TJP1: variants seen among roughly 807,000 people sequenced by gnomAD.
The protein encoded by TJP1 is tight junction protein 1, also known as tight junction protein ZO-1.
A neutral mutation model predicts 194.2 loss-of-function variants in TJP1; 43 were observed. The observed-to-expected ratio is 0.22, with a 90% CI of 0.17 to 0.29. The LOEUF (loss-of-function observed/expected upper bound fraction) is 0.29, where lower values mean the gene tolerates loss of function less well. Among genes scored for constraint, TJP1 ranks in the 10% least tolerant of loss-of-function variants. TJP1 has a pLI of 1.00. For missense variants in TJP1, 1,971 were observed against 2,185.7 expected, an observed-to-expected ratio of 0.90 and a Z score of 1.96; for synonymous variants, 801 against 779.0, an observed-to-expected ratio of 1.03 and a Z score of -0.47.
chr15:29,726,996 A>C lies in TJP1; in HGVS notation c.2101-5T>G, dbSNP rs2043281647. The C allele has an allele frequency of 1.2e-6, 2 of 1,611,132 alleles. No individual in the cohort carries two copies. The highest frequency in any genetic ancestry group is 1.3e-5 in the African/African-American group (1 of 74,788). ...ATCTAATAAAGCATGTTTGTCCTAG[A>C]AACAGAAAGAAAAATATATACAAAG... On this transcript the variant is annotated splice_region_variant and splice_polypyrimidine_tract_variant and intron_variant, in intron 16 of 27. Coordinates refer to ENST00000614355, the MANE Select transcript of TJP1 (RefSeq NM_001330239.4).
At chr15:29,770,176 G>A (rs1331679636) in intron 4 of TJP1, among the ~76,000 whole-genome samples, 1 of 152,188 alleles carries the variant, frequency 6.6e-6, no homozygotes, top group African/African-American at 2.4e-5. Context: ...GCTAGGTGCA[G>A]TGCCTCCTAC....
intron 2 of TJP1, among the ~76,000 whole-genome samples, chr15:29,835,889 AAGAG>A (rs143484883): frequency 5.4e-5 from 8 of 149,492 alleles, no homozygotes; most frequent in South Asian, 2.1e-4. Flanking sequence ...TGGACGGGGA[AAGAG>A]AGAGAGAGAG....
At chr15:29,924,349 G>A (rs180834797) in intron 2 of TJP1, among the ~76,000 whole-genome samples, 6 of 152,216 alleles carry the variant, frequency 3.9e-5, no homozygotes, top group East Asian at 1.9e-4. Context: ...GGGATTACAC[G>A]GATGAGCCAC....
intron 2 of TJP1, among the ~76,000 whole-genome samples, chr15:29,918,865 G>T (rs1334403127): frequency 6.6e-6 from 1 of 152,144 alleles, no homozygotes; most frequent in South Asian, 2.1e-4. Context: ...AATGAAGATG[G>T]TCCAACAGCA....
chr15:29,887,585 G>C (rs1213282299), intron 2 of TJP1, among the ~76,000 whole-genome samples: 1 of 151,946 alleles, frequency 6.6e-6, no homozygotes, highest in East Asian at 1.9e-4. Context: ...ACAGGCATGA[G>C]CCACCGCACC....
intron 2 of TJP1, among the ~76,000 whole-genome samples, chr15:29,787,721 A>C (rs1459444596): frequency 6.6e-6 from 1 of 152,178 alleles, no homozygotes; most frequent in Non-Finnish European, 1.5e-5. Flanking sequence ...TTCTATGTAT[A>C]TATCATGTTT....
Position 29,950,129 on chromosome 15 carries a change from TCCA to T in TJP1, c.306+6100_306+6102del, listed in dbSNP as rs1389948941. ...CACCACCACCTCCACAACCACCACC[TCCA>T]CCACCACCACAACCACCACCTCCAC... On this transcript the variant is annotated intron_variant, in intron 2 of 28. Coordinates refer to the TJP1 transcript ENST00000356107. Among the ~76,000 whole-genome samples, 5 of 20,108 alleles carry T rather than the reference TCCA, an allele frequency of 2.5e-4. 1 individual carries two copies. Among genetic ancestry groups the T allele is most frequent in the African/African-American group, 2.7e-4 (1 of 3,718 alleles). 13.2% of individuals were successfully genotyped at this position (20,108 alleles called of 152,430 possible). A position where few individuals can be genotyped will look rare whatever the true frequency, so the allele number is the denominator to read the frequency against.
intron 1 of TJP1, among the ~76,000 whole-genome samples, chr15:29,809,122 A>G (rs529254302): frequency 6.6e-6 from 1 of 152,354 alleles, no homozygotes; most frequent in East Asian, 1.9e-4. Flanking sequence ...GATATGTAAA[A>G]TATACATGCA....
intron 2 of TJP1, among the ~76,000 whole-genome samples, chr15:29,886,684 T>A (rs2053126189): frequency 6.8e-6 from 1 of 146,888 alleles, no homozygotes; most frequent in Non-Finnish European, 1.5e-5. Context: ...TAAAAAAAGA[T>A]CAAAACACAA....
In TJP1 at chr15:29,773,083, A is replaced by G; in HGVS notation, c.209+150T>C. ...ACACCTAGCCAGTTTCCCTCTTAAT[A>G]TATGTTAATTTAAGGAAAAATATAT... On this transcript the variant is annotated intron_variant, in intron 3 of 27. Coordinates refer to ENST00000614355, the MANE Select transcript of TJP1 (RefSeq NM_001330239.4). The G allele has an allele frequency of 6.6e-6, 6 of 904,422 alleles. No homozygotes were observed. In the South Asian group the frequency reaches 7.4e-5, roughly 11 times the overall value. 56.0% of individuals were successfully genotyped at this position (904,422 alleles called of 1,614,324 possible).
chr15:29,958,296 T>G (rs1377733093), intron 1 of TJP1, among the ~76,000 whole-genome samples: 1 of 152,074 alleles, frequency 6.6e-6, no homozygotes, highest in Non-Finnish European at 1.5e-5. Flanking sequence ...TTTTAGTTTT[T>G]TTTTTTTTTA....
intron 2 of TJP1, among the ~76,000 whole-genome samples, chr15:29,889,501 G>GA (rs2152154087): frequency 6.6e-6 from 1 of 152,276 alleles, no homozygotes; most frequent in South Asian, 2.1e-4. Flanking sequence ...CTTATAAATT[G>GA]AAAAGGAAAA....
At chr15:29,869,620 G>T (rs2052424701) in intron 2 of TJP1, among the ~76,000 whole-genome samples, 1 of 151,838 alleles carries the variant, frequency 6.6e-6, no homozygotes, top group Non-Finnish European at 1.5e-5. Flanking sequence ...CACACCCCAC[G>T]ATGTGACTGC....
At chr15:29,945,014 T>G (rs2152289927) in intron 2 of TJP1, among the ~76,000 whole-genome samples, 1 of 152,354 alleles carries the variant, frequency 6.6e-6, no homozygotes, top group East Asian at 1.9e-4. Context: ...TACCAGGAAT[T>G]GTCATTATGA....
intron 2 of TJP1, among the ~76,000 whole-genome samples, chr15:29,860,349 A>G (rs1255255580): frequency 6.6e-6 from 1 of 152,168 alleles, no homozygotes. Context: ...TTCCGTCTTC[A>G]AGTAGTCCAG....
chr15:29,732,615 G>A lies in TJP1; in HGVS notation c.1921+16C>T. 6.2e-7 allele frequency: 1 copy of A among 1,613,664 alleles called. No individual in the cohort carries two copies. The highest frequency in any genetic ancestry group is 8.5e-7 in the Non-Finnish European group (1 of 1,179,762). On this transcript the variant is annotated intron_variant, in intron 14 of 27. Transcript: ENST00000614355. Reference sequence around the variant, plus strand: ...ACGTTAAAGGGTATTAGGTTAGTCTGTAGAAAATAAACTACCTTCTCGAAG... The same window carrying A: ...ACGTTAAAGGGTATTAGGTTAGTCTATAGAAAATAAACTACCTTCTCGAAG...
chr15:29,892,890 T>C (rs1202178660), intron 2 of TJP1, among the ~76,000 whole-genome samples: 1 of 152,202 alleles, frequency 6.6e-6, no homozygotes, highest in Non-Finnish European at 1.5e-5. Context: ...GCCCAGCCCA[T>C]AGATTAAGGA....
At chr15:29,767,902 C>T (rs751649213) in intron 4 of TJP1, among the ~76,000 whole-genome samples, 5 of 152,136 alleles carry the variant, frequency 3.3e-5, no homozygotes, top group Non-Finnish European at 5.9e-5. Flanking sequence ...CCCTACCTAC[C>T]TCTAAGACTT....
At chr15:29,792,231 G>C (rs2048143246) in intron 2 of TJP1, among the ~76,000 whole-genome samples, 1 of 152,184 alleles carries the variant, frequency 6.6e-6, no homozygotes, top group African/African-American at 2.4e-5. Flanking sequence ...TTTTCTTCTA[G>C]TAGTCTCATA....
Sources: allele counts gnomAD v4.1 joint callset (sites outside exome capture counted in the v4.1 genomes callset), GRCh38; gene constraint gnomAD v4.1.1; transcripts MANE v1.5; gene names NCBI Gene and HGNC (gene_info 2026-07-23, HGNC 2026-07-21).